KATNIP: variants seen among roughly 807,000 people sequenced by gnomAD.
KATNIP encodes katanin interacting protein.
KATNIP carries 126 observed loss-of-function variants against 174.0 expected under a neutral mutation model. That is an observed-to-expected ratio of 0.72 (90% CI 0.63 to 0.84). The LOEUF is 0.84. Ranked by LOEUF, KATNIP falls within the 40% of genes least tolerant of loss-of-function variation. The pLI is 0.00. For synonymous variants in KATNIP, 810 were observed against 835.7 expected, an observed-to-expected ratio of 0.97 and a Z score of 0.53; for missense variants, 1,958 against 2,109.7, an observed-to-expected ratio of 0.93 and a Z score of 1.41.
At position 27,733,564 on chromosome 16, in the gene KATNIP, GACACACACAC is replaced by G. The variant is rs10558929; in HGVS notation, c.1744-6447_1744-6438del. ...ATATTCACACCAAGGAAACAAGAAG[GACACACACAC>G]ACACACACACACACACACACACACA... is the stretch of plus-strand genomic sequence containing the variant. On this transcript the variant is annotated intron_variant, in intron 14 of 27. Coordinates refer to ENST00000261588, the MANE Select transcript of KATNIP (RefSeq NM_015202.5). 4.9e-4 allele frequency among the ~76,000 whole-genome samples: 70 copies of G among 143,342 alleles called. No individual in the cohort carries two copies. In the East Asian group the frequency reaches 5.3e-3, roughly 11 times the overall value. The allele number at this position is 143,342 out of a possible 152,430, so 94.0% of individuals were successfully genotyped here.
intron 5 of KATNIP, among the ~76,000 whole-genome samples, chr16:27,641,094 C>T (rs568835434): frequency 2.0e-5 from 3 of 151,152 alleles, no homozygotes; most frequent in East Asian, 2.0e-4. Context: ...GCTGAGATCG[C>T]GCCATTGCAC....
chr16:27,704,718 C>T (rs1166096366), intron 12 of KATNIP, among the ~76,000 whole-genome samples: 3 of 151,910 alleles, frequency 2.0e-5, no homozygotes, highest in Admixed American at 6.6e-5. Context: ...AGACAGGAAA[C>T]GTTAGAGATA....
At position 27,550,180 on chromosome 16, in the gene KATNIP, G is replaced by A. The variant is rs1167579271; in HGVS notation, c.7+3G>A. On this transcript the variant is annotated splice_donor_region_variant and intron_variant, in intron 1 of 27. Coordinates refer to ENST00000261588, the MANE Select transcript of KATNIP (RefSeq NM_015202.5). ...ACCGCCGCCTCTAGGGATGGACGGTGAGTGTCTGTGGGCCCCTCCGGGAGG... is the reference window on the plus strand; with the variant it reads ...ACCGCCGCCTCTAGGGATGGACGGTAAGTGTCTGTGGGCCCCTCCGGGAGG... 1 of 1,611,236 alleles carries A rather than the reference G, an allele frequency of 6.2e-7. No individual in the cohort carries two copies. Among genetic ancestry groups the A allele is most frequent in the Non-Finnish European group, 8.5e-7 (1 of 1,178,016 alleles).
chr16:27,625,025 G>A (rs2076293379), intron 3 of KATNIP, among the ~76,000 whole-genome samples: 1 of 152,136 alleles, frequency 6.6e-6, no homozygotes, highest in Non-Finnish European at 1.5e-5. Context: ...GCAGCAGGAG[G>A]GAAGAGTTCG....
chr16:27,609,406 T>TA (rs2075817951), intron 2 of KATNIP, among the ~76,000 whole-genome samples: 1 of 145,516 alleles, frequency 6.9e-6, no homozygotes, highest in African/African-American at 2.6e-5. Flanking sequence ...TTTTTTTTTT[T>TA]TTGAGACGGA....
intron 23 of KATNIP, among the ~76,000 whole-genome samples, chr16:27,773,532 G>T (rs921069043): frequency 3.3e-5 from 5 of 152,242 alleles, no homozygotes; most frequent in Non-Finnish European, 5.9e-5. Flanking sequence ...GACAAGGTCT[G>T]CAGGGAGAAG....
At chr16:27,642,769 AT>A (rs143123046) in intron 5 of KATNIP, among the ~76,000 whole-genome samples, 52,618 of 125,270 alleles carry the variant, frequency 0.42, 10,224 homozygotes, top group East Asian at 0.71. Flanking sequence ...TTTTTAAAAA[AT>A]TTTTTTTTTT....
chr16:27,753,311 G>A (rs138484332), intron 17 of KATNIP, among the ~76,000 whole-genome samples: 245 of 152,284 alleles, frequency 1.6e-3, no homozygotes, highest in African/African-American at 4.9e-3. Flanking sequence ...GCCACAAGCC[G>A]TGCCTGTGCT....
intron 2 of KATNIP, among the ~76,000 whole-genome samples, chr16:27,593,727 C>G (rs2141881011): frequency 6.6e-6 from 1 of 152,306 alleles, no homozygotes; most frequent in African/African-American, 2.4e-5. Context: ...GATGGAGTCT[C>G]AAACTCCTGA....
rs190293584 is a variant in KATNIP at position 27,613,243 on chromosome 16, C to T, written c.64-5182C>T. The stretch of plus-strand genomic sequence containing the variant: ...GAGCCGAAATCGCACCACTGCACTC[C>T]AGCCTGGGAGGCAGAGTGAGACCCT... On this transcript the variant is annotated intron_variant, in intron 2 of 27. Coordinates refer to ENST00000261588, the MANE Select transcript of KATNIP (RefSeq NM_015202.5). Among the ~76,000 whole-genome samples the T allele has an allele frequency of 1.2e-3, 178 of 152,292 alleles. 1 individual carries two copies. The highest frequency in any genetic ancestry group is 2.0e-3 in the Non-Finnish European group (137 of 68,026).
At position 27,628,688 on chromosome 16, in the gene KATNIP, C is replaced by G. The variant is rs779509359; in HGVS notation, c.168C>G (p.Asp56Glu). 6.2e-7 allele frequency: 1 copy of G among 1,614,074 alleles called. No individual in the cohort carries two copies. The highest frequency in any genetic ancestry group is 2.2e-5 in the East Asian group (1 of 44,904). Residue 56 changes from aspartate (D) to glutamate (E), a missense_variant, in exon 4 of 28, where the codon GAC (aspartate) becomes GAG (glutamate). This residue lies in a region of KATNIP where 1,557 missense variants were observed against 1,617.8 expected (regional missense o/e 0.96). Transcript: ENST00000261588. ...NRILKHLKSK[D>E]PVQLRLEHLE... is the part of the protein sequence containing the mutation. ...TATTAAAGCATTTGAAAAGCAAGGACCCCGTGCAATTGAGGCTGGAGCACT... is the reference window on the plus strand; with the variant it reads ...TATTAAAGCATTTGAAAAGCAAGGAGCCCGTGCAATTGAGGCTGGAGCACT...
chr16:27,608,695 A>T (rs1430444827), intron 2 of KATNIP, among the ~76,000 whole-genome samples: 2 of 152,010 alleles, frequency 1.3e-5, no homozygotes, highest in African/African-American at 4.8e-5. Flanking sequence ...TTTTTAAAAA[A>T]CACTTTTGTA....
chr16:27,654,656 C>T (rs2077210965), intron 6 of KATNIP: 1 of 1,351,958 alleles, frequency 7.4e-7, no homozygotes, highest in Non-Finnish European at 9.8e-7. Context: ...TAACTTCTCC[C>T]TTCTGAATGC....
At chr16:27,640,655 G>C (rs1180101207) in intron 5 of KATNIP, among the ~76,000 whole-genome samples, 2 of 150,782 alleles carry the variant, frequency 1.3e-5, no homozygotes, top group African/African-American at 4.9e-5. Context: ...TGACCTCCTT[G>C]AGGGCAGGGC....
intron 2 of KATNIP, among the ~76,000 whole-genome samples, chr16:27,602,320 G>A (rs1010613542): frequency 3.9e-5 from 6 of 152,122 alleles, no homozygotes; most frequent in Non-Finnish European, 5.9e-5. Flanking sequence ...CTTCCCGGCC[G>A]CCTCAGCATC....
chr16:27,759,039 C>T (rs77630966), intron 18 of KATNIP, among the ~76,000 whole-genome samples: 4 of 152,328 alleles, frequency 2.6e-5, no homozygotes, highest in African/African-American at 2.4e-5. Flanking sequence ...CAATAGTTTT[C>T]GTTTGTCTCA....
chr16:27,759,386 A>G (rs561378982), intron 18 of KATNIP, among the ~76,000 whole-genome samples: 1 of 152,192 alleles, frequency 6.6e-6, no homozygotes, highest in Non-Finnish European at 1.5e-5. Flanking sequence ...ATGACATTGG[A>G]ACACTGACTC....
chr16:27,733,564 GACACACACACACAC>G lies in KATNIP; in HGVS notation c.1744-6451_1744-6438del, dbSNP rs10558929. 8.6e-3 allele frequency among the ~76,000 whole-genome samples: 1,233 copies of G among 143,376 alleles called. 14 individuals carry two copies. The highest frequency in any genetic ancestry group is 0.029 in the African/African-American group (1,106 of 38,240). The allele number at this position is 143,376 out of a possible 152,430, so 94.1% of individuals were successfully genotyped here. A position where few individuals can be genotyped will look rare whatever the true frequency, so the allele number is the denominator to read the frequency against. ...ATATTCACACCAAGGAAACAAGAAG[GACACACACACACAC>G]ACACACACACACACACACACACACA... On this transcript the variant is annotated intron_variant, in intron 14 of 27. Transcript: ENST00000261588.
At chr16:27,655,204 ATATATATATATATATATATATATATT>A (rs2077235474) in intron 6 of KATNIP, among the ~76,000 whole-genome samples, 1 of 116,306 alleles carries the variant, frequency 8.6e-6, no homozygotes, top group African/African-American at 3.8e-5. Context: ...ATATATATAT[ATATATATATATATATATATATATATT>A]TTGTTTGTTT....
Sources: gnomAD v4.1 joint callset for allele counts (sites outside exome capture counted in the v4.1 genomes callset) on GRCh38, gnomAD v4.1.1 for gene constraint, gnomAD v4.1.1 regional missense constraint, MANE v1.5 for transcripts, NCBI Gene and HGNC (gene_info 2026-07-23, HGNC 2026-07-21) for gene names.